UBE3D: variants seen among roughly 807,000 people sequenced by gnomAD.
UBE3D encodes the protein ubiquitin protein ligase E3D, also known as E3 ubiquitin-protein ligase E3D.
UBE3D carries 48 observed loss-of-function variants against 49.6 expected under a neutral mutation model. The observed-to-expected ratio is 0.97, with a 90% confidence interval of 0.77 to 1.23. UBE3D has a LOEUF of 1.23. Ranked by LOEUF, UBE3D falls within the 50% of genes most tolerant of loss-of-function variation. UBE3D has a pLI of 0.00. For missense variants in UBE3D, 452 were observed against 468.4 expected (o/e 0.96, Z 0.32); for synonymous variants, 189 against 174.2 (o/e 1.08, Z -0.67).
the UBE3D span, among the ~76,000 whole-genome samples, chr6:82,885,048 A>C: frequency 3.9e-5 from 6 of 152,240 alleles, no homozygotes; most frequent in East Asian, 5.8e-4. Context: ...TCTGTATGAA[A>C]ATGCTTAGAA....
At chr6:83,049,890 A>G (rs1783349039) in intron 3 of UBE3D, 1 of 448,840 alleles carries the variant, frequency 2.2e-6, no homozygotes, top group Non-Finnish European at 4.5e-6. Flanking sequence ...GCTGTTTCTG[A>G]GACTATTCAC....
intron 9 of UBE3D, among the ~76,000 whole-genome samples, chr6:82,923,372 C>T (rs561325445): frequency 1.0e-3 from 154 of 152,304 alleles, no homozygotes; most frequent in African/African-American, 3.5e-3. Context: ...TAGAATACTA[C>T]GCAGCCATAA....
intron 9 of UBE3D, among the ~76,000 whole-genome samples, chr6:82,897,367 G>A (rs969666853): frequency 6.6e-6 from 1 of 151,976 alleles, no homozygotes; most frequent in Non-Finnish European, 1.5e-5. Flanking sequence ...GAGGTGGGTG[G>A]ATCACCTGAG....
chr6:83,035,359 A>G (rs149666390), intron 5 of UBE3D, among the ~76,000 whole-genome samples: 7 of 152,274 alleles, frequency 4.6e-5, no homozygotes, highest in Non-Finnish European at 1.0e-4. Flanking sequence ...TCCCTAGTTT[A>G]GATGATTTAT....
In UBE3D at chr6:82,893,673, T is replaced by C. The variant is rs552306095; in HGVS notation, c.1150-631A>G. On this transcript the variant is annotated intron_variant, in intron 9 of 9. Transcript: ENST00000369747. ...GTTTAGTTCAGGGGTGACAATAAAT[T>C]GGGAACTGTGCCAATATGAGGAAGA... is the stretch of plus-strand genomic sequence containing the variant. 3.9e-5 allele frequency among the ~76,000 whole-genome samples: 6 copies of C among 152,270 alleles called. No homozygotes were observed. The East Asian group carries it at 1.2e-3, about 29-fold the overall frequency.
chr6:82,954,764 T>C (rs1355519817), intron 9 of UBE3D, among the ~76,000 whole-genome samples: 1 of 152,138 alleles, frequency 6.6e-6, no homozygotes, highest in South Asian at 2.1e-4. Context: ...GGTACAAAGA[T>C]GAAAAAGCAG....
Position 82,939,800 on chromosome 6 carries a change from G to A in UBE3D, c.1149+17512C>T, listed in dbSNP as rs146056721. On this transcript the variant is annotated intron_variant, in intron 9 of 9. Coordinates refer to ENST00000369747, the MANE Select transcript of UBE3D (RefSeq NM_198920.3). ...TCTCTATCATTAAGTGATACATGAC[G>A]GTATTTCCTTTAGAATCAGGAAAAA... 4.1e-3 allele frequency among the ~76,000 whole-genome samples: 622 copies of A among 152,226 alleles called. 8 individuals are homozygous for A. Among genetic ancestry groups the A allele is most frequent in the African/African-American group, 0.013 (557 of 41,520 alleles).
At chr6:82,891,276 T>C (rs1047449982), downstream of UBE3D, among the ~76,000 whole-genome samples, 1 of 152,206 alleles carries the variant, frequency 6.6e-6, no homozygotes, top group African/African-American at 2.4e-5. Flanking sequence ...AGGAGGGGGC[T>C]GTGCTAATGG....
chr6:82,975,738 A>G (rs1362967783), intron 8 of UBE3D, among the ~76,000 whole-genome samples: 1 of 152,206 alleles, frequency 6.6e-6, no homozygotes, highest in Non-Finnish European at 1.5e-5. Flanking sequence ...CCTAAAAAGC[A>G]GTCTTTTCCA....
intron 9 of UBE3D, among the ~76,000 whole-genome samples, chr6:82,956,735 G>A (rs548079450): frequency 1.3e-5 from 2 of 152,336 alleles, no homozygotes; most frequent in East Asian, 3.9e-4. Context: ...CAAGATGGGA[G>A]CTGGAGAGAA....
At position 82,986,727 on chromosome 6, in the gene UBE3D, A is replaced by C. The variant is rs898462977; in HGVS notation, c.1011-29277T>G. On this transcript the variant is annotated intron_variant, in intron 8 of 9. Coordinates refer to ENST00000369747, the MANE Select transcript of UBE3D (RefSeq NM_198920.3). ...ATACATATATTTATATTTTATATAT[A>C]TATCCATTATACATATATATGTATA... Among the ~76,000 whole-genome samples, 5 of 148,152 alleles carry C rather than the reference A, an allele frequency of 3.4e-5. No individual in the cohort carries two copies. The East Asian group carries it at 9.8e-4, about 29-fold the overall frequency.
chr6:82,899,148 CGGAGTTT>C (rs1771547371), intron 9 of UBE3D, among the ~76,000 whole-genome samples: 1 of 152,048 alleles, frequency 6.6e-6, no homozygotes, highest in Admixed American at 6.6e-5. Context: ...CGGCATGCCA[CGGAGTTT>C]GGCACACACT....
chr6:82,959,761 C>T (rs988235748), intron 8 of UBE3D, among the ~76,000 whole-genome samples: 2 of 147,772 alleles, frequency 1.4e-5, no homozygotes, highest in African/African-American at 5.0e-5. Flanking sequence ...GGCTCTGCTC[C>T]TAAGGAATGT....
intron 8 of UBE3D, among the ~76,000 whole-genome samples, chr6:83,013,866 A>G (rs1302614057): frequency 6.6e-6 from 1 of 152,248 alleles, no homozygotes; most frequent in Non-Finnish European, 1.5e-5. Flanking sequence ...CCTCAATGTA[A>G]CAGACCAGTG....
intron 9 of UBE3D, among the ~76,000 whole-genome samples, chr6:82,950,782 A>G (rs1775733495): frequency 6.6e-6 from 1 of 152,190 alleles, no homozygotes; most frequent in South Asian, 2.1e-4. Flanking sequence ...ATAAAACTCA[A>G]TGAGATCTTG....
At chr6:83,006,646 G>A (rs1313658043) in intron 8 of UBE3D, among the ~76,000 whole-genome samples, 2 of 152,104 alleles carry the variant, frequency 1.3e-5, no homozygotes, top group African/African-American at 2.4e-5. Flanking sequence ...AAAAATAAAT[G>A]TCTGTTGTTT....
At chr6:82,929,974 T>C (rs886951362) in intron 9 of UBE3D, among the ~76,000 whole-genome samples, 2 of 152,184 alleles carry the variant, frequency 1.3e-5, no homozygotes, top group Non-Finnish European at 2.9e-5. Flanking sequence ...AAATGCATGA[T>C]GATATGGTTT....
chr6:82,984,885 C>T (rs1234963070), intron 8 of UBE3D, among the ~76,000 whole-genome samples: 1 of 151,798 alleles, frequency 6.6e-6, no homozygotes. Flanking sequence ...ATTATGGCTC[C>T]CTAAAGCCTT....
chr6:82,911,860 C>T (rs1249821461), intron 9 of UBE3D, among the ~76,000 whole-genome samples: 1 of 152,164 alleles, frequency 6.6e-6, no homozygotes, highest in Admixed American at 6.5e-5. Flanking sequence ...AAGCTTTCTC[C>T]TGTCATCGGT....
Sources: gnomAD v4.1 joint callset for allele counts (sites outside exome capture counted in the v4.1 genomes callset) on GRCh38, gnomAD v4.1.1 for gene constraint, MANE v1.5 for transcripts, NCBI Gene and HGNC (gene_info 2026-07-23, HGNC 2026-07-21) for gene names.